Variants in FBXO28 observed in about 807,000 individuals in gnomAD.
FBXO28 encodes the protein F-box protein 28, also known as F-box only protein 28.
A neutral mutation model predicts 38.1 loss-of-function variants in FBXO28; 8 were observed. The ratio of observed to expected loss-of-function variants is 0.21; its 90% CI spans 0.12 to 0.38. FBXO28 has a LOEUF of 0.38. Among genes scored for constraint, FBXO28 ranks in the 10% least tolerant of loss-of-function variants. FBXO28 has a pLI of 1.00. For missense variants in FBXO28, 345 were observed against 460.6 expected (o/e 0.75, Z 2.30); for synonymous variants, 168 against 173.8 (o/e 0.97, Z 0.26).
Position 224,130,474 on chromosome 1 carries a change from T to C in FBXO28, c.270T>C (p.Val90=). 1 of 1,610,218 alleles carries C rather than the reference T, an allele frequency of 6.2e-7. No homozygotes were observed. Among genetic ancestry groups the C allele is most frequent in the Non-Finnish European group, 8.5e-7 (1 of 1,176,646 alleles). ...TTTGTTCTTTTTTCTCCTTGAAGGT[T>C]TGTAAAAGAATGGACTTGGTCTGCC... ...SYDEISQLRL[V]CKRMDLVCQR... The change falls in exon 2 of 5, where the codon GTT becomes GTC. Residue 90 remains valine (V), a splice_region_variant and synonymous_variant. Coordinates refer to ENST00000366862, the MANE Select transcript of FBXO28 (RefSeq NM_015176.4).
intron 1 of FBXO28, among the ~76,000 whole-genome samples, chr1:224,121,930 C>T (rs1340591700): frequency 6.6e-6 from 1 of 152,164 alleles, no homozygotes; most frequent in African/African-American, 2.4e-5. Flanking sequence ...CCTGCACCAC[C>T]ACGCCTGGCT....
intron 3 of FBXO28, among the ~76,000 whole-genome samples, chr1:224,148,657 G>A (rs1256030159): frequency 2.0e-5 from 3 of 150,416 alleles, no homozygotes; most frequent in Non-Finnish European, 4.4e-5. Context: ...GCAAGACTCC[G>A]TCTCAAAAAA....
intron 1 of FBXO28, among the ~76,000 whole-genome samples, chr1:224,120,331 A>G (rs1352229687): frequency 6.6e-6 from 1 of 152,198 alleles, no homozygotes; most frequent in Non-Finnish European, 1.5e-5. Flanking sequence ...TCTCCTAGAA[A>G]ATATTTGTAC....
intron 1 of FBXO28, among the ~76,000 whole-genome samples, chr1:224,120,487 A>G (rs1454544323): frequency 1.3e-5 from 2 of 152,252 alleles, no homozygotes; most frequent in African/African-American, 2.4e-5. Context: ...CTGTGATGCA[A>G]TATAAGTACT....
intron 3 of FBXO28, among the ~76,000 whole-genome samples, chr1:224,152,704 G>C (rs1193914322): frequency 6.6e-6 from 1 of 152,050 alleles, no homozygotes; most frequent in Admixed American, 6.5e-5. Flanking sequence ...GCCGAGGTGG[G>C]TGGATCCTGA....
At chr1:224,153,836 G>T (rs539389435) in intron 4 of FBXO28, among the ~76,000 whole-genome samples, 1 of 151,946 alleles carries the variant, frequency 6.6e-6, no homozygotes, top group East Asian at 1.9e-4. Context: ...CAGGAGAACC[G>T]CTTGAACCTG....
intron 3 of FBXO28, among the ~76,000 whole-genome samples, chr1:224,139,138 A>G (rs1215276182): frequency 6.6e-6 from 1 of 151,708 alleles, no homozygotes; most frequent in Non-Finnish European, 1.5e-5. Context: ...GTTCTTATTG[A>G]AACACAATGG....
In FBXO28 at chr1:224,114,408, G is replaced by T; in HGVS notation, c.267+12G>T. Reference sequence around the variant, plus strand: ...GCCAGCTCCGCCTGGTGAGGCCCCCGCAGAACTCCTGCCTCCCTCTCCCCC... The same window carrying T: ...GCCAGCTCCGCCTGGTGAGGCCCCCTCAGAACTCCTGCCTCCCTCTCCCCC... On this transcript the variant is annotated intron_variant, in intron 1 of 4. Transcript: ENST00000366862. The T allele has an allele frequency of 2.6e-6, 4 of 1,551,312 alleles. No homozygotes were observed. The highest frequency in any genetic ancestry group is 2.7e-5 in the African/African-American group (2 of 72,828).
chr1:224,151,852 G>A (rs1300451532), intron 3 of FBXO28, among the ~76,000 whole-genome samples: 1 of 151,990 alleles, frequency 6.6e-6, no homozygotes, highest in Non-Finnish European at 1.5e-5. Flanking sequence ...AGACCAGCCT[G>A]GCCAACACGG....
chr1:224,127,154 T>A (rs966503674), intron 1 of FBXO28, among the ~76,000 whole-genome samples: 23 of 143,892 alleles, frequency 1.6e-4, no homozygotes, highest in Non-Finnish European at 2.1e-4. Context: ...GTCCATAAGA[T>A]GTAAAGTATT....
At chr1:224,130,665 T>A in intron 2 of FBXO28, 84 bp downstream of exon 2, 1 of 853,814 alleles carries the variant, frequency 1.2e-6, no homozygotes, top group Non-Finnish European at 1.9e-6. Flanking sequence ...ATGGTTTACA[T>A]ATTGCTTCCC....
chr1:224,116,237 C>T (rs908794), intron 1 of FBXO28, among the ~76,000 whole-genome samples: 150,238 of 152,274 alleles, frequency 0.99, 74,150 homozygotes, highest in Middle Eastern at 1. Context: ...ATGGATAATC[C>T]TTTGTGGGGA....
In FBXO28 at chr1:224,154,085, A is replaced by G. The variant is rs369551191; in HGVS notation, c.712+748A>G. Among the ~76,000 whole-genome samples, 4 of 152,230 alleles carry G rather than the reference A, an allele frequency of 2.6e-5. No homozygotes were observed. The East Asian group carries it at 7.7e-4, about 29-fold the overall frequency. The stretch of plus-strand genomic sequence containing the variant: ...TAATTTACAATGGGGTTACATCCTG[A>G]TAAACCCATCATAAGTAGAAAATAT... On this transcript the variant is annotated intron_variant, in intron 4 of 4. Transcript: ENST00000366862.
intron 4 of FBXO28, among the ~76,000 whole-genome samples, chr1:224,155,375 C>T (rs1657749879): frequency 6.6e-6 from 1 of 152,108 alleles, no homozygotes; most frequent in Non-Finnish European, 1.5e-5. Flanking sequence ...CCATGTTGTT[C>T]AGGCTGGTCT....
chr1:224,154,443 G>T (rs984429700), intron 4 of FBXO28, among the ~76,000 whole-genome samples: 6 of 151,880 alleles, frequency 4.0e-5, no homozygotes, highest in Admixed American at 3.9e-4. Flanking sequence ...GGCCGAGGCG[G>T]GCCGATCACC....
rs1294415774 is a variant in FBXO28, at chr1:224,157,620, A to G, written c.981A>G (p.Val327=). The G allele has an allele frequency of 1.2e-6, 2 of 1,614,262 alleles. No homozygotes were observed. Among genetic ancestry groups the G allele is most frequent in the Admixed American group, 3.3e-5 (2 of 60,034 alleles). The change falls in exon 5 of 5, where the codon GTA becomes GTG. Residue 327 remains valine (V), a synonymous_variant. Transcript: ENST00000366862. ...AGCTAGAACGCAAACTACGAGAAGT[A>G]ATGGAAAGTGCTGTAGGAAATTCCT... is the stretch of plus-strand genomic sequence containing the variant. ...LAELERKLRE[V]MESAVGNSSG...
At chr1:224,149,159 A>G (rs1285581420) in intron 3 of FBXO28, among the ~76,000 whole-genome samples, 2 of 152,198 alleles carry the variant, frequency 1.3e-5, no homozygotes, top group Non-Finnish European at 1.5e-5. Context: ...TATTAAACAT[A>G]TAAGTACTAT....
intron 2 of FBXO28, among the ~76,000 whole-genome samples, chr1:224,132,177 C>T (rs1406751431): frequency 2.0e-5 from 3 of 152,060 alleles, no homozygotes; most frequent in Admixed American, 1.3e-4. Context: ...AACTTGAACC[C>T]GTTGGCGGAA....
intron 3 of FBXO28, among the ~76,000 whole-genome samples, chr1:224,151,696 G>A (rs1657650612): frequency 6.6e-6 from 1 of 152,148 alleles, no homozygotes; most frequent in Non-Finnish European, 1.5e-5. Context: ...TTAACCCTCA[G>A]TTCTTACGAG....
Sources: allele counts gnomAD v4.1 joint callset (sites outside exome capture counted in the v4.1 genomes callset), GRCh38; gene constraint gnomAD v4.1.1; transcripts MANE v1.5; gene names NCBI Gene and HGNC (gene_info 2026-07-23, HGNC 2026-07-21).